The following NEO1 variants were observed in gnomAD, a reference collection of about 807,000 sequenced individuals.
The protein encoded by NEO1 is neogenin.
A neutral mutation model predicts 159.7 loss-of-function variants in NEO1; 63 were observed. The ratio of observed to expected loss-of-function variants is 0.39; its 90% CI spans 0.32 to 0.49. The LOEUF (loss-of-function observed/expected upper bound fraction) is 0.49. NEO1 is among the 20% of genes least tolerant of loss of function. The probability of loss-of-function intolerance (pLI) is 0.85; values close to 1 mark genes in which losing one functional copy is unlikely to be tolerated. For missense variants in NEO1, 1,615 were observed against 1,831.0 expected (o/e 0.88, Z 2.15); for synonymous variants, 633 against 662.0 (o/e 0.96, Z 0.67).
chr15:73,202,481 T>C (rs2036956243), intron 7 of NEO1, among the ~76,000 whole-genome samples: 1 of 152,178 alleles, frequency 6.6e-6, no homozygotes, highest in African/African-American at 2.4e-5. Context: ...TTATCTGCTT[T>C]CAATCCATTG....
intron 23 of NEO1, among the ~76,000 whole-genome samples, chr15:73,284,874 C>T (rs899590379): frequency 6.6e-6 from 1 of 152,134 alleles, no homozygotes; most frequent in Admixed American, 6.5e-5. Flanking sequence ...AGGCATGAGC[C>T]ACTGCGCCCG....
intron 7 of NEO1, among the ~76,000 whole-genome samples, chr15:73,213,185 G>A (rs1371970064): frequency 6.6e-6 from 1 of 152,130 alleles, no homozygotes; most frequent in East Asian, 1.9e-4. Flanking sequence ...GAGGTTTTCA[G>A]GCATGGGCTC....
At chr15:73,271,799 C>T (rs1402946874) in intron 18 of NEO1, among the ~76,000 whole-genome samples, 2 of 150,494 alleles carry the variant, frequency 1.3e-5, no homozygotes, top group Non-Finnish European at 2.9e-5. Context: ...CCCAGCTACT[C>T]GGTAGGCTAA....
intron 8 of NEO1, 130 bp from the exon 9 acceptor site, chr15:73,244,214 C>A (rs945184042): frequency 6.8e-5 from 71 of 1,041,426 alleles, no homozygotes; most frequent in Non-Finnish European, 9.3e-5. Context: ...GTCCTACCCC[C>A]AAAAGCTTCA....
At chr15:73,158,208 C>CTTTTTTTTTTTTTTTTTTTTTT (rs1047852394) in intron 5 of NEO1, among the ~76,000 whole-genome samples, 1 of 82,550 alleles carries the variant, frequency 1.2e-5, no homozygotes, top group Non-Finnish European at 2.2e-5. Context: ...GAGTGAGACT[C>CTTTTTTTTTTTTTTTTTTTTTT]TTTTTTTTTT....
chr15:73,153,151 A>G (rs1323318547), intron 5 of NEO1, among the ~76,000 whole-genome samples: 5 of 152,178 alleles, frequency 3.3e-5, no homozygotes, highest in Non-Finnish European at 7.4e-5. Context: ...GCAGAAAACA[A>G]TTTCAGCCTT....
intron 1 of NEO1, among the ~76,000 whole-genome samples, chr15:73,104,485 T>C (rs565157423): frequency 2.6e-5 from 4 of 152,318 alleles, no homozygotes; most frequent in African/African-American, 9.6e-5. Flanking sequence ...ATAATAGGTG[T>C]TCTATGGTAT....
intron 1 of NEO1, among the ~76,000 whole-genome samples, chr15:73,071,702 G>A (rs1407841909): frequency 6.6e-6 from 1 of 152,066 alleles, no homozygotes; most frequent in Non-Finnish European, 1.5e-5. Context: ...TATTTGTAGA[G>A]ACAGGGTTTT....
intron 1 of NEO1, among the ~76,000 whole-genome samples, chr15:73,087,865 C>G (rs1196876299): frequency 6.6e-6 from 1 of 151,556 alleles, no homozygotes; most frequent in Non-Finnish European, 1.5e-5. Context: ...ATTTCTGGAC[C>G]CAGTGTGGTT....
chr15:73,136,173 A>G (rs2031739517), intron 5 of NEO1, 146 bp downstream of exon 5: 1 of 543,252 alleles, frequency 1.8e-6, no homozygotes, highest in Admixed American at 4.0e-5. Flanking sequence ...TTTAAATTCT[A>G]AATCTTATAT....
intron 1 of NEO1, among the ~76,000 whole-genome samples, chr15:73,053,794 C>G (rs1227534527): frequency 3.3e-5 from 5 of 152,212 alleles, no homozygotes; most frequent in Non-Finnish European, 4.4e-5. Context: ...TACCATAAAA[C>G]TTGACAAAAC....
At chr15:73,290,257 C>T (rs1421384257) in intron 25 of NEO1, among the ~76,000 whole-genome samples, 1 of 82,978 alleles carries the variant, frequency 1.2e-5, no homozygotes, top group Non-Finnish European at 2.2e-5. Flanking sequence ...TTTTTTGAGA[C>T]AGAGTCAGAG....
intron 16 of NEO1, among the ~76,000 whole-genome samples, chr15:73,268,745 A>G (rs1482401244): frequency 1.3e-5 from 2 of 152,212 alleles, no homozygotes; most frequent in Non-Finnish European, 2.9e-5. Context: ...GAAAGCCCGT[A>G]TGGATTCTGC....
intron 8 of NEO1, among the ~76,000 whole-genome samples, chr15:73,240,126 C>T (rs532934169): frequency 2.6e-5 from 4 of 152,164 alleles, no homozygotes. Flanking sequence ...TGGAGACTGT[C>T]TGGTGAGATA....
intron 1 of NEO1, among the ~76,000 whole-genome samples, chr15:73,087,765 CTG>C (rs1218639806): frequency 1.3e-5 from 2 of 151,988 alleles, no homozygotes; most frequent in South Asian, 2.1e-4. Flanking sequence ...GTTTTTTCCT[CTG>C]TATACATAAT....
intron 7 of NEO1, among the ~76,000 whole-genome samples, chr15:73,178,837 G>A (rs2035435219): frequency 6.6e-6 from 1 of 152,018 alleles, no homozygotes; most frequent in Non-Finnish European, 1.5e-5. Context: ...AGAGCTCATT[G>A]TTTTCTGCTT....
intron 1 of NEO1, among the ~76,000 whole-genome samples, chr15:73,084,988 A>G (rs1319521152): frequency 1.3e-5 from 2 of 152,220 alleles, no homozygotes; most frequent in African/African-American, 4.8e-5. Context: ...GGAGAAACAA[A>G]GCAACTGGAT....
At chr15:73,267,742 C>T (rs1035599318) in intron 16 of NEO1, among the ~76,000 whole-genome samples, 2 of 151,686 alleles carry the variant, frequency 1.3e-5, no homozygotes, top group African/African-American at 2.4e-5. Context: ...GGCTGCATAG[C>T]ATTCCATGGT....
intron 1 of NEO1, among the ~76,000 whole-genome samples, chr15:73,068,233 C>CCGCCT (rs1555421034): frequency 2.4e-4 from 33 of 136,658 alleles, no homozygotes; most frequent in Admixed American, 5.2e-4. Flanking sequence ...ACCCCCCCCC[C>CCGCCT]TTTTTTTTTG....
Sources: gnomAD v4.1 joint callset for allele counts (sites outside exome capture counted in the v4.1 genomes callset) on GRCh38, gnomAD v4.1.1 for gene constraint, MANE v1.5 for transcripts, NCBI Gene and HGNC (gene_info 2026-07-23, HGNC 2026-07-21) for gene names.